UNC13C: variants seen among roughly 807,000 people sequenced by gnomAD.
UNC13C encodes unc-13 homolog C, also known as protein unc-13 homolog C.
UNC13C carries 174 observed loss-of-function variants against 245.4 expected under a neutral mutation model. That is an observed-to-expected ratio of 0.71 (90% CI 0.63 to 0.80). The LOEUF is 0.80. UNC13C is among the 30% of genes least tolerant of loss of function. The pLI, the probability that UNC13C is intolerant of heterozygous loss-of-function variation, is 0.00. For missense variants in UNC13C, 2,829 were observed against 2,602.9 expected (o/e 1.09, Z -1.89); for synonymous variants, 992 against 895.1 (o/e 1.11, Z -1.93).
In UNC13C at chr15:54,371,138, G is replaced by A. The variant is rs114452378; in HGVS notation, c.4714-21910G>A. ...ATTTCTCCTATCTAACTGAAATTTTGTATCCTTTAATCAAGGTCTCCACAA... is the reference window on the plus strand; with the variant it reads ...ATTTCTCCTATCTAACTGAAATTTTATATCCTTTAATCAAGGTCTCCACAA... On this transcript the variant is annotated intron_variant, in intron 17 of 32. Coordinates refer to ENST00000260323, the MANE Select transcript of UNC13C (RefSeq NM_001080534.3). Among the ~76,000 whole-genome samples, 289 of 151,936 alleles carry A rather than the reference G, an allele frequency of 1.9e-3. 1 individual carries two copies. Among genetic ancestry groups the A allele is most frequent in the African/African-American group, 6.8e-3 (281 of 41,428 alleles).
At position 54,013,956 on chromosome 15, in the gene UNC13C, A is replaced by C. The variant is rs1566949518; in HGVS notation, c.1053A>C (p.Ala351=). 6.2e-7 allele frequency: 1 copy of C among 1,613,768 alleles called. No individual in the cohort carries two copies. The highest frequency in any genetic ancestry group is 1.7e-4 in the Middle Eastern group (1 of 6,060). ...ILIDKMGFSD[A]PNAIKIEFAQ... ...TAGATAAAATGGGTTTTTCAGATGC[A>C]CCAAATGCTATTAAAATTGAATTTG... The change falls in exon 2 of 33, where the codon GCA becomes GCC. Residue 351 remains alanine, a synonymous_variant. Coordinates refer to ENST00000260323, the MANE Select transcript of UNC13C (RefSeq NM_001080534.3).
chr15:54,214,459 A>T (rs2034978950), intron 4 of UNC13C, among the ~76,000 whole-genome samples: 1 of 151,902 alleles, frequency 6.6e-6, no homozygotes, highest in South Asian at 2.1e-4. Context: ...TGCAAGAAAC[A>T]TTGTCTAATA....
chr15:54,591,132 G>T (rs931464578), intron 30 of UNC13C, among the ~76,000 whole-genome samples: 7 of 152,084 alleles, frequency 4.6e-5, no homozygotes, highest in African/African-American at 1.7e-4. Flanking sequence ...CTGCATCCCT[G>T]GTATGAAACC....
At chr15:54,063,151 G>A (rs1389364436) in intron 2 of UNC13C, among the ~76,000 whole-genome samples, 3 of 152,182 alleles carry the variant, frequency 2.0e-5, no homozygotes, top group Non-Finnish European at 4.4e-5. Flanking sequence ...ACGAATTAGA[G>A]CTAATAAGAA....
intron 2 of UNC13C, among the ~76,000 whole-genome samples, chr15:54,025,242 A>T (rs983774608): frequency 3.3e-5 from 5 of 152,114 alleles, no homozygotes; most frequent in Non-Finnish European, 7.4e-5. Flanking sequence ...TTCAAAAAGG[A>T]TGCTTTTTAT....
chr15:54,343,663 C>T (rs78384181), intron 17 of UNC13C, among the ~76,000 whole-genome samples: 6,107 of 152,064 alleles, frequency 0.04, 377 homozygotes, highest in African/African-American at 0.13. Context: ...TGATCTTTGT[C>T]AAAGAAAAAA....
At chr15:54,190,203 A>C (rs2034136185) in intron 4 of UNC13C, among the ~76,000 whole-genome samples, 2 of 152,190 alleles carry the variant, frequency 1.3e-5, no homozygotes, top group Non-Finnish European at 2.9e-5. Flanking sequence ...TAGCAAGCAC[A>C]ACCAATTAAG....
intron 4 of UNC13C, among the ~76,000 whole-genome samples, chr15:54,184,426 C>A (rs1325318449): frequency 6.6e-6 from 1 of 152,032 alleles, no homozygotes; most frequent in African/African-American, 2.4e-5. Flanking sequence ...GCTTCCCCCA[C>A]CCCACAACAG....
At position 54,061,109 on chromosome 15, in the gene UNC13C, A is replaced by T. The variant is rs1595790375; in HGVS notation, c.2983+45223A>T. ...TTGTGCACATGTACCCTAAAACTTA[A>T]AGTATAATAATAATAAAAAAAAAAG... On this transcript the variant is annotated intron_variant, in intron 2 of 32. Transcript: ENST00000260323. Among the ~76,000 whole-genome samples, 4 of 65,726 alleles carry T rather than the reference A, an allele frequency of 6.1e-5. No individual in the cohort carries two copies. In the South Asian group the frequency reaches 2.2e-3, roughly 36 times the overall value. 43.1% of individuals were successfully genotyped at this position (65,726 alleles called of 152,430 possible).
chr15:54,026,320 A>G (rs1896106949), intron 2 of UNC13C, among the ~76,000 whole-genome samples: 1 of 152,254 alleles, frequency 6.6e-6, no homozygotes, highest in Non-Finnish European at 1.5e-5. Flanking sequence ...AATGTAGCAT[A>G]TGATGAGATC....
intron 4 of UNC13C, among the ~76,000 whole-genome samples, chr15:54,208,606 A>G (rs1028969082): frequency 6.6e-6 from 1 of 152,102 alleles, no homozygotes; most frequent in African/African-American, 2.4e-5. Flanking sequence ...CATTATGTGT[A>G]TGATGTGTGT....
the UNC13C span, among the ~76,000 whole-genome samples, chr15:53,847,585 C>T: frequency 1.2e-4 from 18 of 149,978 alleles, no homozygotes; most frequent in East Asian, 1.6e-3. Flanking sequence ...AGGCTGGTCT[C>T]GAACTCCTGA....
the UNC13C span, among the ~76,000 whole-genome samples, chr15:53,965,755 T>C: frequency 0.59 from 89,528 of 150,788 alleles, 27,095 homozygotes; most frequent in African/African-American, 0.71. Flanking sequence ...TGTGATGTTC[T>C]CCTTCCTGTG....
the UNC13C span, among the ~76,000 whole-genome samples, chr15:53,875,598 G>A: frequency 6.6e-6 from 1 of 152,154 alleles, no homozygotes; most frequent in East Asian, 1.9e-4. Flanking sequence ...GATGGGAACT[G>A]CATTTGAGGA....
chr15:54,389,144 C>T (rs2039900295), intron 17 of UNC13C, among the ~76,000 whole-genome samples: 1 of 152,080 alleles, frequency 6.6e-6, no homozygotes, highest in Admixed American at 6.6e-5. Context: ...CTTTTATTTC[C>T]CAAAGTATGT....
chr15:54,546,695 G>A, intron 26 of UNC13C, 27 bp from the exon 27 acceptor site: 1 of 1,341,840 alleles, frequency 7.5e-7, no homozygotes, highest in Non-Finnish European at 9.8e-7. Context: ...ATTTAAAAGT[G>A]AATATATATA....
At chr15:54,412,532 C>T (rs56016619) in intron 18 of UNC13C, among the ~76,000 whole-genome samples, 1,718 of 152,232 alleles carry the variant, frequency 0.011, 40 homozygotes, top group African/African-American at 0.038. Context: ...GGTGGGAACA[C>T]GGAGCAAAAC....
chr15:54,428,812 A>G (rs1413378870), intron 19 of UNC13C, among the ~76,000 whole-genome samples: 1 of 151,432 alleles, frequency 6.6e-6, no homozygotes, highest in Non-Finnish European at 1.5e-5. Flanking sequence ...TGCTTCCCCA[A>G]ATATTGATAG....
At chr15:54,559,999 G>A (rs1028568016) in intron 29 of UNC13C, among the ~76,000 whole-genome samples, 34 of 151,944 alleles carry the variant, frequency 2.2e-4, no homozygotes. Context: ...ATTATGATGT[G>A]TAAAAGAGGA....
Sources: gnomAD v4.1 joint callset for allele counts (sites outside exome capture counted in the v4.1 genomes callset) on GRCh38, gnomAD v4.1.1 for gene constraint, MANE v1.5 for transcripts, NCBI Gene and HGNC (gene_info 2026-07-23, HGNC 2026-07-21) for gene names.